The following ERC2 variants were observed in gnomAD, a reference collection of about 807,000 sequenced individuals.
ERC2 encodes ELKS/RAB6-interacting/CAST family member 2.
A neutral mutation model predicts 114.8 loss-of-function variants in ERC2; 42 were observed. That is an observed-to-expected ratio of 0.37 (90% CI 0.29 to 0.47). ERC2 has a LOEUF of 0.47. Among genes scored for constraint, ERC2 ranks in the 20% least tolerant of loss-of-function variants. The pLI is 0.99. For synonymous variants in ERC2, 454 were observed against 425.5 expected (o/e 1.07, Z -0.82); for missense variants, 939 against 1,150.7 (o/e 0.82, Z 2.66).
intron 10 of ERC2, among the ~76,000 whole-genome samples, chr3:56,006,660 C>A (rs539765719): frequency 6.6e-6 from 1 of 152,160 alleles, no homozygotes; most frequent in Non-Finnish European, 1.5e-5. Flanking sequence ...AACAAGCTTT[C>A]TTAGACAGTA....
chr3:55,574,289 G>A (rs1443092698), intron 17 of ERC2, among the ~76,000 whole-genome samples: 2 of 152,116 alleles, frequency 1.3e-5, no homozygotes, highest in Non-Finnish European at 2.9e-5. Flanking sequence ...ACCATTCGGT[G>A]GTTGCTATTT....
At chr3:55,616,225 T>C (rs1043469086) in intron 17 of ERC2, among the ~76,000 whole-genome samples, 3 of 152,170 alleles carry the variant, frequency 2.0e-5, no homozygotes, top group African/African-American at 7.2e-5. Context: ...TCTGTTGTGT[T>C]TTCTTTAGTT....
intron 2 of ERC2, chr3:56,434,136 C>A (rs1450283324): frequency 3.5e-5 from 17 of 487,530 alleles, no homozygotes; most frequent in Non-Finnish European, 4.0e-5. Flanking sequence ...CCATCTGCAA[C>A]CATGTGAAAA....
In ERC2 at chr3:56,279,668, C is replaced by T. The variant is rs566762646; in HGVS notation, c.1074+16351G>A. Among the ~76,000 whole-genome samples the T allele has an allele frequency of 2.5e-4, 38 of 152,294 alleles. No homozygotes were observed. In the South Asian group the frequency reaches 6.2e-3, roughly 25 times the overall value. On this transcript the variant is annotated intron_variant, in intron 3 of 17. Transcript: ENST00000288221. ...GCTCAAGACTTTGTACTTTGTCCTT[C>T]GGGCAATGCAGGGTTCTGAAAGGAC...
At chr3:56,150,001 CAGTA>C (rs2081336385) in intron 4 of ERC2, among the ~76,000 whole-genome samples, 1 of 152,208 alleles carries the variant, frequency 6.6e-6, no homozygotes, top group African/African-American at 2.4e-5. Flanking sequence ...TTTTCCACAA[CAGTA>C]AGTATTAGGC....
At chr3:55,637,638 C>T (rs1280085456) in intron 17 of ERC2, among the ~76,000 whole-genome samples, 1 of 152,186 alleles carries the variant, frequency 6.6e-6, no homozygotes, top group Non-Finnish European at 1.5e-5. Context: ...CTGGAGCCAG[C>T]TTTCAAATGC....
chr3:55,625,854 G>A (rs765782656), intron 17 of ERC2, among the ~76,000 whole-genome samples: 1 of 152,214 alleles, frequency 6.6e-6, no homozygotes, highest in Non-Finnish European at 1.5e-5. Flanking sequence ...AAACCGAAGT[G>A]AAATACAGGG....
intron 3 of ERC2, among the ~76,000 whole-genome samples, chr3:56,204,924 G>GTGTGGTC (rs1306014618): frequency 7.8e-5 from 1 of 12,814 alleles, no homozygotes; most frequent in Non-Finnish European, 7.6e-4. Flanking sequence ...GGACGTGTCT[G>GTGTGGTC]TGTGTGTGTG....
At chr3:55,730,443 G>A (rs2065186431) in intron 15 of ERC2, among the ~76,000 whole-genome samples, 1 of 152,218 alleles carries the variant, frequency 6.6e-6, no homozygotes, top group Non-Finnish European at 1.5e-5. Context: ...ATTTGGCATA[G>A]AGCCTGGAAA....
intron 16 of ERC2, 81 bp from the exon 17 acceptor site, chr3:55,683,940 G>A (rs1416238102): frequency 1.4e-6 from 2 of 1,478,130 alleles, no homozygotes; most frequent in East Asian, 4.7e-5. Context: ...GTTACACCGA[G>A]ATGCACTGGA....
intron 2 of ERC2, among the ~76,000 whole-genome samples, chr3:56,363,587 C>G (rs2059039430): frequency 1.3e-5 from 2 of 152,090 alleles, no homozygotes; most frequent in African/African-American, 2.4e-5. Context: ...ACCTGAGTGT[C>G]AATTTTCTTT....
At chr3:55,864,351 A>C (rs2062198707) in intron 14 of ERC2, among the ~76,000 whole-genome samples, 2 of 151,120 alleles carry the variant, frequency 1.3e-5, no homozygotes, top group Non-Finnish European at 3.0e-5. Context: ...TCTGACTCTA[A>C]AATAGCAGTT....
chr3:55,833,420 ACT>A (rs2060713844), intron 14 of ERC2, among the ~76,000 whole-genome samples: 1 of 151,906 alleles, frequency 6.6e-6, no homozygotes. Context: ...CTCGGCAGAA[ACT>A]CTACAAGCCA....
chr3:55,649,369 T>C (rs2060520915), intron 17 of ERC2, among the ~76,000 whole-genome samples: 2 of 151,072 alleles, frequency 1.3e-5, no homozygotes, highest in Admixed American at 1.3e-4. Flanking sequence ...CAAGCAATTC[T>C]CCTGCCTCAG....
chr3:56,359,120 C>A (rs1031199224), intron 2 of ERC2, among the ~76,000 whole-genome samples: 1 of 152,248 alleles, frequency 6.6e-6, no homozygotes, highest in African/African-American at 2.4e-5. Context: ...TCTGGCATAT[C>A]TGCTAAAAGC....
intron 17 of ERC2, among the ~76,000 whole-genome samples, chr3:55,570,254 G>C (rs537296559): frequency 6.6e-6 from 1 of 152,018 alleles, no homozygotes; most frequent in Non-Finnish European, 1.5e-5. Flanking sequence ...CTCCAAAATT[G>C]GTTCTTGTCC....
In ERC2 at chr3:55,540,807, G is replaced by A. The variant is rs774442104; in HGVS notation, c.*40-29531C>T. ...TTCAAGAGCAAGGTCAGTTCGGACC[G>A]GCACCCCACAGACCAAATGCTTATG... On this transcript the variant is annotated intron_variant, in intron 17 of 17. Transcript: ENST00000288221. Among the ~76,000 whole-genome samples, 9 of 152,252 alleles carry A rather than the reference G, an allele frequency of 5.9e-5. No homozygotes were observed. In the East Asian group the frequency reaches 7.7e-4, roughly 13 times the overall value.
intron 12 of ERC2, among the ~76,000 whole-genome samples, chr3:55,985,590 A>T (rs930585069): frequency 2.6e-5 from 4 of 152,158 alleles, no homozygotes; most frequent in African/African-American, 7.2e-5. Context: ...TCATGGGCAG[A>T]TATTTTGTTC....
At chr3:55,885,899 G>A (rs181915084) in intron 14 of ERC2, among the ~76,000 whole-genome samples, 3 of 152,304 alleles carry the variant, frequency 2.0e-5, no homozygotes, top group Admixed American at 1.3e-4. Flanking sequence ...ACAGCCACCA[G>A]GTGGAAGCAA....
Sources: gnomAD v4.1 joint callset for allele counts (sites outside exome capture counted in the v4.1 genomes callset) on GRCh38, gnomAD v4.1.1 for gene constraint, MANE v1.5 for transcripts, NCBI Gene and HGNC (gene_info 2026-07-23, HGNC 2026-07-21) for gene names.